Variants in ANKRD26 observed in about 807,000 individuals in gnomAD.
ANKRD26 encodes the protein ankyrin repeat domain-containing protein 26.
ANKRD26 carries 141 observed loss-of-function variants against 208.7 expected under a neutral mutation model. The observed-to-expected ratio is 0.68, with a 90% CI of 0.59 to 0.78. The LOEUF (loss-of-function observed/expected upper bound fraction) is 0.78, where lower values mean the gene tolerates loss of function less well. Ranked by LOEUF, ANKRD26 falls within the 30% of genes least tolerant of loss-of-function variation. The pLI is 0.00. For missense variants in ANKRD26, 1,889 were observed against 1,938.7 expected (o/e 0.97, Z 0.48); for synonymous variants, 636 against 660.4 (o/e 0.96, Z 0.57).
the ANKRD26 span, among the ~76,000 whole-genome samples, chr10:26,958,624 C>G: frequency 6.6e-6 from 1 of 152,164 alleles, no homozygotes; most frequent in South Asian, 2.1e-4. Flanking sequence ...CCATCCATGT[C>G]CCTGCAAAGG....
Position 27,100,333 on chromosome 10 carries a change from G to GGCGACCGGGCT in ANKRD26, c.-18_-8dup. The GGCGACCGGGCT allele has an allele frequency of 6.2e-7, 1 of 1,606,050 alleles. No homozygotes were observed. Among genetic ancestry groups the GGCGACCGGGCT allele is most frequent in the Non-Finnish European group, 8.5e-7 (1 of 1,179,778 alleles). ...TACTAAAAATCTTCTTCATGGCCCA[G>GGCGACCGGGCT]GCGACCGGGCTTCAGAGACACCTCA... On this transcript the variant is annotated 5_prime_UTR_variant, in exon 1 of 34. Transcript: ENST00000376087.
chr10:27,022,457 G>T, intron 29 of ANKRD26, 101 bp downstream of exon 29: 1 of 1,017,124 alleles, frequency 9.8e-7, no homozygotes. Context: ...AGTCCCTAAA[G>T]TTAAAAAAAA....
chr10:26,995,896 G>A (rs2052582452), intron 4 of ANKRD26, among the ~76,000 whole-genome samples: 1 of 152,088 alleles, frequency 6.6e-6, no homozygotes, highest in South Asian at 2.1e-4. Flanking sequence ...CCTCTAAATC[G>A]GCCTTTAATA....
exon 6 of ANKRD26, among the ~76,000 whole-genome samples, chr10:26,974,787 T>C (rs1026007555): frequency 6.6e-6 from 1 of 152,250 alleles, no homozygotes; most frequent in Non-Finnish European, 1.5e-5. Flanking sequence ...GGAATACTTC[T>C]AGGTTGAGAA....
chr10:27,061,212 C>G lies in ANKRD26; in HGVS notation c.1394G>C (p.Gly465Ala), dbSNP rs754338191. The G allele has an allele frequency of 8.1e-6, 13 of 1,609,890 alleles. No individual in the cohort carries two copies. In the South Asian group the frequency reaches 1.4e-4, roughly 18 times the overall value. The change falls in exon 13 of 34, where the codon GGA becomes GCA. Residue 465 changes from glycine (G) to alanine (A), a missense_variant. Gly to Ala is a moderately conservative substitution (Grantham distance 60). Coordinates refer to ENST00000376087, the MANE Select transcript of ANKRD26 (RefSeq NM_014915.3). ...TTTAGCCATCTTAAAGTTTCTTGAT[C>G]CACTCATGCAAGAAGGTATATAAAA... is the stretch of plus-strand genomic sequence containing the variant. ...DVFYIPSCMSGSRNFKMAKLE... is the reference protein window; with the variant it reads ...DVFYIPSCMSASRNFKMAKLE...
intron 29 of ANKRD26, 73 bp downstream of exon 29, chr10:27,022,485 T>C: frequency 8.1e-7 from 1 of 1,229,712 alleles, no homozygotes; most frequent in Non-Finnish European, 1.1e-6. Context: ...TATTTCACTG[T>C]TCAAAGCATT....
chr10:27,043,298 C>T (rs919518590), intron 20 of ANKRD26, 128 bp downstream of exon 20: 7 of 1,008,012 alleles, frequency 6.9e-6, no homozygotes, highest in Non-Finnish European at 1.1e-5. Flanking sequence ...TTCAGCTTTG[C>T]ACAGTGGCAG....
chr10:27,096,606 A>G (rs1354797549), intron 1 of ANKRD26, among the ~76,000 whole-genome samples: 1 of 151,762 alleles, frequency 6.6e-6, no homozygotes, highest in Non-Finnish European at 1.5e-5. Context: ...TCTACTAAAA[A>G]TACAAAAAAA....
chr10:26,976,925 G>A (rs1248177437), intron 5 of ANKRD26, among the ~76,000 whole-genome samples: 2 of 152,216 alleles, frequency 1.3e-5, no homozygotes, highest in South Asian at 2.1e-4. Context: ...AGAGGACTAC[G>A]AACACACCTG....
In ANKRD26 at chr10:27,062,823, A is replaced by C. The variant is rs555579638; in HGVS notation, c.1363+1165T>G. Among the ~76,000 whole-genome samples the C allele has an allele frequency of 2.7e-5, 4 of 149,182 alleles. No homozygotes were observed. The East Asian group carries it at 5.9e-4, about 22-fold the overall frequency. On this transcript the variant is annotated intron_variant, in intron 12 of 33. Coordinates refer to ENST00000376087, the MANE Select transcript of ANKRD26 (RefSeq NM_014915.3). ...TGCTCTGTTGCCCAGGCTGGAGTGCAGTGGCACAATCTCGGCTCACTGCAA... is the reference window on the plus strand; with the variant it reads ...TGCTCTGTTGCCCAGGCTGGAGTGCCGTGGCACAATCTCGGCTCACTGCAA...
exon 6 of ANKRD26, among the ~76,000 whole-genome samples, chr10:26,975,309 G>A (rs907501000): frequency 4.0e-5 from 6 of 151,438 alleles, no homozygotes; most frequent in African/African-American, 1.5e-4. Flanking sequence ...GCTCACTGAA[G>A]CCTTGAACTC....
chr10:27,032,846 G>A (rs1278509023), intron 25 of ANKRD26, among the ~76,000 whole-genome samples: 1 of 149,916 alleles, frequency 6.7e-6, no homozygotes, highest in Non-Finnish European at 1.5e-5. Context: ...AGAAGCAAGT[G>A]TATTATAAAG....
At chr10:26,984,763 C>A (rs975859547) in intron 3 of ANKRD26, among the ~76,000 whole-genome samples, 9 of 152,094 alleles carry the variant, frequency 5.9e-5, no homozygotes, top group African/African-American at 2.2e-4. Context: ...TGATGTTTCA[C>A]AAAATGGTGG....
intron 5 of ANKRD26, among the ~76,000 whole-genome samples, chr10:26,993,122 A>T (rs1252873216): frequency 1.3e-5 from 2 of 152,190 alleles, no homozygotes; most frequent in Non-Finnish European, 2.9e-5. Context: ...TGATCATACC[A>T]TTGGAATACA....
At chr10:26,969,671 G>A (rs1339675376), downstream of ANKRD26, among the ~76,000 whole-genome samples, 1 of 151,984 alleles carries the variant, frequency 6.6e-6, no homozygotes, top group African/African-American at 2.4e-5. Context: ...GAACAAAATG[G>A]CATTAAATGG....
chr10:27,047,698 A>AC, intron 17 of ANKRD26, among the ~76,000 whole-genome samples: 1 of 136,012 alleles, frequency 7.4e-6, no homozygotes, highest in East Asian at 2.0e-4. Flanking sequence ...AAAAACTGTA[A>AC]TAATACTACT....
rs772565417 is a variant in ANKRD26, at chr10:27,034,837, CTTTT to C, written c.3609_3612del (p.Glu1205AspfsTer16). Reference sequence around the variant, plus strand: ...TCATTTTCATATTGATACTGTCTTTCTTTTAAGTGATTACATTCACTGATTAACT... The same window carrying C: ...TCATTTTCATATTGATACTGTCTTTCAAGTGATTACATTCACTGATTAACT... On this transcript the variant is annotated frameshift_variant, in exon 24 of 34. Coordinates refer to ENST00000376087, the MANE Select transcript of ANKRD26 (RefSeq NM_014915.3). LOFTEE classifies it high-confidence loss of function. The C allele has an allele frequency of 6.8e-6, 11 of 1,610,134 alleles. No homozygotes were observed. The Admixed American group carries it at 1.7e-4, about 25-fold the overall frequency.
intron 5 of ANKRD26, among the ~76,000 whole-genome samples, chr10:27,084,218 CAAAAAA>C (rs1275450082): frequency 1.2e-5 from 1 of 82,454 alleles, no homozygotes; most frequent in African/African-American, 3.7e-5. Context: ...AACTACATCT[CAAAAAA>C]AAAAAAAAAA....
In ANKRD26 at chr10:27,017,570, G is replaced by A. The variant is rs768622377; in HGVS notation, c.4438C>T (p.Gln1480Ter). The stretch of plus-strand genomic sequence containing the variant: ...TGTCTTGCTCTTTCTTCAATCTCCT[G>A]TTTATACTGTTTGACTTGACCAAGT... ...VELGQVKQYKQEIEERARQEI... is the reference protein window; with the variant it reads ...VELGQVKQYK The change falls in exon 30 of 34, where the codon CAG (glutamine) becomes TAG (stop). Residue 1480 changes from glutamine to a stop codon, truncating the protein, a stop_gained. Coordinates refer to ENST00000376087, the MANE Select transcript of ANKRD26 (RefSeq NM_014915.3). LOFTEE classifies it high-confidence loss of function. The A allele has an allele frequency of 3.1e-6, 5 of 1,613,604 alleles. No individual in the cohort carries two copies. The South Asian group carries it at 4.4e-5, about 14-fold the overall frequency.
Sources: gnomAD v4.1 joint callset for allele counts (sites outside exome capture counted in the v4.1 genomes callset) on GRCh38, gnomAD v4.1.1 for gene constraint, MANE v1.5 for transcripts, NCBI Gene and HGNC (gene_info 2026-07-23, HGNC 2026-07-21) for gene names.